Variants in CPSF6 observed in about 807,000 individuals in gnomAD.
The protein encoded by CPSF6 is cleavage and polyadenylation specific factor 6, also known as cleavage and polyadenylation specificity factor subunit 6.
CPSF6 carries 10 observed loss-of-function variants against 56.7 expected under a neutral mutation model. The ratio of observed to expected loss-of-function variants is 0.18; its 90% CI spans 0.11 to 0.30. The LOEUF (loss-of-function observed/expected upper bound fraction) is 0.30, where lower values mean the gene tolerates loss of function less well. Ranked by LOEUF, CPSF6 falls within the 10% of genes least tolerant of loss-of-function variation. CPSF6 has a pLI of 1.00. For synonymous variants in CPSF6, 248 were observed against 244.8 expected, an observed-to-expected ratio of 1.01 and a Z score of -0.12; for missense variants, 419 against 722.9, an observed-to-expected ratio of 0.58 and a Z score of 4.82.
At chr12:69,263,365 G>A (rs317646) in intron 9 of CPSF6, among the ~76,000 whole-genome samples, 115,465 of 151,970 alleles carry the variant, frequency 0.76, 44,506 homozygotes, top group African/African-American at 0.9. Flanking sequence ...CATTTTTCAT[G>A]AAGTGGGAAG....
At chr12:69,247,598 T>C (rs1224664061) in intron 1 of CPSF6, among the ~76,000 whole-genome samples, 1 of 152,192 alleles carries the variant, frequency 6.6e-6, no homozygotes, top group Non-Finnish European at 1.5e-5. Flanking sequence ...AAATATTTCT[T>C]TGACAAACTG....
chr12:69,258,749 G>T lies in CPSF6; in HGVS notation c.854G>T (p.Gly285Val). The change falls in exon 6 of 10, where the codon GGG (glycine) becomes GTG (valine). Residue 285 changes from glycine (G) to valine (V), a missense_variant. By Grantham distance (109) the Gly-to-Val change is moderately radical. Around this residue, in one of 4 missense-constraint regions of CPSF6, gnomAD observed 211 missense variants for 296.0 expected, o/e 0.71. Transcript: ENST00000435070. This position sits in a 1 kb window ranked among gnomAD's most constrained non-coding sequence, Gnocchi z 4.2. ...GTTCTTTTTCCTGGACAACCTTTTG[G>T]GCAGCCTCCATTGGGTCCACTTCCT... is the stretch of plus-strand genomic sequence containing the variant. The part of the protein sequence containing the change: ...PPVLFPGQPF[G>V]QPPLGPLPPG... 6.2e-7 allele frequency: 1 copy of T among 1,613,714 alleles called. No individual in the cohort carries two copies. The highest frequency in any genetic ancestry group is 2.2e-5 in the East Asian group (1 of 44,856).
chr12:69,245,628 CA>C (rs1368735833), intron 1 of CPSF6, among the ~76,000 whole-genome samples: 1 of 151,930 alleles, frequency 6.6e-6, no homozygotes, highest in Non-Finnish European at 1.5e-5. Context: ...AGAGGAAAGT[CA>C]AAAAAATTCT....
At chr12:69,251,441 GT>G in intron 2 of CPSF6, 103 bp downstream of exon 2, 2 of 766,398 alleles carry the variant, frequency 2.6e-6, no homozygotes, top group Non-Finnish European at 4.1e-6. Flanking sequence ...AAGTTACTGT[GT>G]TTTTCTATAT....
intron 1 of CPSF6, among the ~76,000 whole-genome samples, chr12:69,248,755 C>T (rs1034110516): frequency 6.6e-6 from 1 of 152,070 alleles, no homozygotes; most frequent in East Asian, 1.9e-4. Flanking sequence ...ACCTTGAGAT[C>T]CCAGACCCCT....
rs1424927267 is a variant in CPSF6, at chr12:69,272,299, T to C, written c.*2791T>C. 1 of 151,690 alleles carries C rather than the reference T, an allele frequency of 6.6e-6. No individual in the cohort carries two copies. Among genetic ancestry groups the C allele is most frequent in the African/African-American group, 2.4e-5 (1 of 41,408 alleles). The allele number at this position is 151,690 out of a possible 1,614,324, so 9.4% of individuals were successfully genotyped here. A position where few individuals can be genotyped will look rare whatever the true frequency, so the allele number is the denominator to read the frequency against. On this transcript the variant is annotated 3_prime_UTR_variant, in exon 10 of 10. Transcript: ENST00000435070. The stretch of plus-strand genomic sequence containing the variant: ...TGGAATACACAGATAACTTGTAGCT[T>C]AAGATACTATTTTCATTTAATTCTC...
intron 1 of CPSF6, among the ~76,000 whole-genome samples, chr12:69,250,741 G>C (rs1384639081): frequency 6.6e-6 from 1 of 151,932 alleles, no homozygotes; most frequent in African/African-American, 2.4e-5. Context: ...CCGCCTCCCA[G>C]GTTCAAGCGA....
At chr12:69,245,583 T>A (rs910522576) in intron 1 of CPSF6, among the ~76,000 whole-genome samples, 1 of 152,200 alleles carries the variant, frequency 6.6e-6, no homozygotes. Context: ...GTTACCATTC[T>A]TTTATGTTTT....
rs1873254239 is a variant in CPSF6 at position 69,271,735 on chromosome 12, C to G, written c.*2227C>G. The G allele has an allele frequency of 6.6e-6, 1 of 151,762 alleles. No homozygotes were observed. The highest frequency in any genetic ancestry group is 2.4e-5 in the African/African-American group (1 of 41,414). The allele number at this position is 151,762 out of a possible 1,614,324, so 9.4% of individuals were successfully genotyped here. A position where few individuals can be genotyped will look rare whatever the true frequency, so the allele number is the denominator to read the frequency against. ...TGCAAAGTCCTTCTCTACCTGATAA[C>G]ACGTGAATGTATAGCAGTAAAGGTG... is the stretch of plus-strand genomic sequence containing the variant. On this transcript the variant is annotated 3_prime_UTR_variant, in exon 10 of 10. Coordinates refer to ENST00000435070, the MANE Select transcript of CPSF6 (RefSeq NM_007007.3).
At position 69,271,596 on chromosome 12, in the gene CPSF6, T is replaced by TCA. The variant is rs1387334653; in HGVS notation, c.*2089_*2090dup. 6.6e-6 allele frequency: 1 copy of TCA among 151,742 alleles called. No individual in the cohort carries two copies. Among genetic ancestry groups the TCA allele is most frequent in the Non-Finnish European group, 1.5e-5 (1 of 67,688 alleles). The allele number at this position is 151,742 out of a possible 1,614,324, so 9.4% of individuals were successfully genotyped here. A position where few individuals can be genotyped will look rare whatever the true frequency, so the allele number is the denominator to read the frequency against. On this transcript the variant is annotated 3_prime_UTR_variant, in exon 10 of 10. Coordinates refer to ENST00000435070, the MANE Select transcript of CPSF6 (RefSeq NM_007007.3). Reference sequence around the variant, plus strand: ...CACTCTTCTCCTTGCTTGGCTGATCTCATTACATGACTTTCGTTACAGACA... The same window carrying TCA: ...CACTCTTCTCCTTGCTTGGCTGATCTCACATTACATGACTTTCGTTACAGACA...
intron 1 of CPSF6, among the ~76,000 whole-genome samples, chr12:69,248,178 T>G (rs2120465768): frequency 6.6e-6 from 1 of 152,378 alleles, no homozygotes; most frequent in East Asian, 1.9e-4. Context: ...CAATTATGCT[T>G]GTAAATTTTT....
At chr12:69,255,501 C>T (rs1872463779) in intron 3 of CPSF6, among the ~76,000 whole-genome samples, 1 of 152,154 alleles carries the variant, frequency 6.6e-6, no homozygotes, top group Non-Finnish European at 1.5e-5. Flanking sequence ...AATACGTGCT[C>T]ATCAGCAATG....
At chr12:69,239,734 C>A in intron 1 of CPSF6, 28 bp downstream of exon 1, 1 of 1,562,142 alleles carries the variant, frequency 6.4e-7, no homozygotes, top group Non-Finnish European at 8.7e-7. Flanking sequence ...TCCCCGCCGC[C>A]GACGCGGGCG....
Position 69,260,054 on chromosome 12 carries a change from G to A in CPSF6, c.1326G>A (p.Gly442=). Residue 442 remains glycine, a synonymous_variant, in exon 8 of 10, where the codon GGG becomes GGA. Coordinates refer to ENST00000435070, the MANE Select transcript of CPSF6 (RefSeq NM_007007.3). ...AVSDASAGDY[G]SAIETLVTAI... ...TCCTTTCCCTCACAGGTGATTATGG[G>A]AGTGCTATTGAGACACTGGTAACTG... is the stretch of plus-strand genomic sequence containing the variant. 6.2e-7 allele frequency: 1 copy of A among 1,612,284 alleles called. No individual in the cohort carries two copies. Among genetic ancestry groups the A allele is most frequent in the Admixed American group, 1.7e-5 (1 of 59,686 alleles).
chr12:69,251,461 T>G, intron 2 of CPSF6, 123 bp downstream of exon 2: 1 of 612,944 alleles, frequency 1.6e-6, no homozygotes. Context: ...ATGTGTTTGC[T>G]TGTCCAATGA....
intron 1 of CPSF6, among the ~76,000 whole-genome samples, chr12:69,243,425 A>G (rs1471010139): frequency 6.6e-6 from 1 of 152,182 alleles, no homozygotes; most frequent in African/African-American, 2.4e-5. Context: ...TGCTTTTGTC[A>G]TTTGTGATCA....
Position 69,239,656 on chromosome 12 carries a change from G to A in CPSF6, c.10G>A (p.Gly4Ser). The A allele has an allele frequency of 6.3e-7, 1 of 1,580,926 alleles. No individual in the cohort carries two copies. The highest frequency in any genetic ancestry group is 1.1e-5 in the South Asian group (1 of 87,452). Residue 4 changes from glycine (G) to serine (S), a missense_variant, in exon 1 of 10, where the codon GGC becomes AGC. By Grantham distance (56) the Gly-to-Ser change is moderately conservative (BLOSUM62 0). Transcript: ENST00000435070. Reference protein sequence around the residue: MADGVDHIDIYADV... With the variant: MADSVDHIDIYADV... The stretch of plus-strand genomic sequence containing the variant: ...CCGAGGCTGAAGGAAGATGGCGGAC[G>A]GCGTGGACCACATAGACATTTACGC...
rs1052126297 is a variant in CPSF6 at position 69,259,559 on chromosome 12, G to C, written c.1315+16G>C. 1 of 1,587,772 alleles carries C rather than the reference G, an allele frequency of 6.3e-7. No individual in the cohort carries two copies. Among genetic ancestry groups the C allele is most frequent in the African/African-American group, 1.4e-5 (1 of 73,508 alleles). ...GCCAGTGCTGGTTTGTGTATTTCTT[G>C]TATTAATATTTCTTATTTATGTTAT... On this transcript the variant is annotated intron_variant, in intron 7 of 9. Coordinates refer to ENST00000435070, the MANE Select transcript of CPSF6 (RefSeq NM_007007.3).
Position 69,259,596 on chromosome 12 carries a change from TAA to T in CPSF6, c.1315+57_1315+58del, listed in dbSNP as rs1171114654. ...CTTATTTATGTTATTAGGAATGACCTAAAAATGTAAGTACAATCTAGAAGATA... is the reference window on the plus strand; with the variant it reads ...CTTATTTATGTTATTAGGAATGACCTAAATGTAAGTACAATCTAGAAGATA... On this transcript the variant is annotated intron_variant, in intron 7 of 9. Transcript: ENST00000435070. 6.8e-6 allele frequency: 10 copies of T among 1,460,706 alleles called. No homozygotes were observed. The East Asian group carries it at 2.3e-4, about 34-fold the overall frequency. 90.5% of individuals were successfully genotyped at this position (1,460,706 alleles called of 1,614,324 possible).
Sources: gnomAD v4.1 joint callset for allele counts (sites outside exome capture counted in the v4.1 genomes callset) on GRCh38, gnomAD v4.1.1 for gene constraint, gnomAD v4.1.1 regional missense constraint, Gnocchi (gnomAD v3.1) non-coding constraint, MANE v1.5 for transcripts, NCBI Gene and HGNC (gene_info 2026-07-23, HGNC 2026-07-21) for gene names.